The following LPA variants were observed in gnomAD, a reference collection of about 807,000 sequenced individuals.
LPA encodes lipoprotein(a).
Under a neutral mutation model 197.9 loss-of-function variants are expected in LPA, and 199 were observed. The observed-to-expected ratio is 1.01, with a 90% confidence interval of 0.90 to 1.13. LPA has a LOEUF of 1.13. LPA is among the 50% of genes most tolerant of loss of function. The pLI is 0.00. For synonymous variants in LPA, 715 were observed against 639.5 expected (o/e 1.12, Z -1.78); for missense variants, 1,853 against 1,785.8 (o/e 1.04, Z -0.68).
chr6:160,589,473 A>G, intron 24 of LPA, 80 bp downstream of exon 24: 3 of 1,545,420 alleles, frequency 1.9e-6, no homozygotes, highest in Non-Finnish European at 1.8e-6. Context: ...GGGTCATAAG[A>G]AGTTAGCTGG....
intron 34 of LPA, among the ~76,000 whole-genome samples, chr6:160,541,790 C>T: frequency 6.6e-6 from 1 of 152,098 alleles, no homozygotes; most frequent in Non-Finnish European, 1.5e-5. Context: ...TGTTGATAGT[C>T]AGTGAGGACA....
At chr6:160,587,879 C>T (rs570729450) in intron 24 of LPA, among the ~76,000 whole-genome samples, 18 of 151,418 alleles carry the variant, frequency 1.2e-4, no homozygotes, top group Admixed American at 6.6e-4. Context: ...CCTTTCCTAC[C>T]GTAATGTCTA....
At chr6:160,578,216 G>A (rs895629312) in intron 27 of LPA, among the ~76,000 whole-genome samples, 2 of 152,130 alleles carry the variant, frequency 1.3e-5, no homozygotes, top group Admixed American at 6.5e-5. Flanking sequence ...TATTTGGCAG[G>A]CTGTTAGAAT....
intron 16 of LPA, 90 bp downstream of exon 16, chr6:160,611,472 G>T: frequency 1.3e-6 from 2 of 1,561,720 alleles, no homozygotes. Context: ...GACACAAGTT[G>T]AGTTCGGAGA....
Position 160,589,681 on chromosome 6 carries a change from G to T in LPA, c.3819C>A (p.Asp1273Glu). Reference sequence around the variant, plus strand: ...AACTCTGTCCATCACCATGGTAGCAGTCCTGGACTGTGGGGCTTTGCTCCG... The same window carrying T: ...AACTCTGTCCATCACCATGGTAGCATTCCTGGACTGTGGGGCTTTGCTCCG... Reference protein sequence around the residue: ...APTEQSPTVQDCYHGDGQSYR... With the variant: ...APTEQSPTVQECYHGDGQSYR... The change falls in exon 24 of 39, where the codon GAC becomes GAA. Residue 1273 changes from aspartate to glutamate, a missense_variant. Transcript: ENST00000316300. The T allele has an allele frequency of 4.3e-6, 7 of 1,613,942 alleles. No individual in the cohort carries two copies. The highest frequency in any genetic ancestry group is 5.9e-6 in the Non-Finnish European group (7 of 1,179,846).
chr6:160,646,849 A>T lies in LPA; in HGVS notation c.210-454T>A, dbSNP rs555389814. 9.9e-5 allele frequency among the ~76,000 whole-genome samples: 15 copies of T among 150,980 alleles called. No individual in the cohort carries two copies. The East Asian group carries it at 2.3e-3, about 23-fold the overall frequency. On this transcript the variant is annotated intron_variant, in intron 2 of 38. Coordinates refer to ENST00000316300, the MANE Select transcript of LPA (RefSeq NM_005577.4). ...TTCATATTCTAATGTGGGAGTTGCA[A>T]CGAACATGTAGTTCTTCAGAGAAAA...
chr6:160,586,354 C>T, intron 25 of LPA, 95 bp downstream of exon 25: 7 of 1,439,656 alleles, frequency 4.9e-6, no homozygotes, highest in Non-Finnish European at 5.8e-6. Flanking sequence ...CTTCGACTTC[C>T]TGTGCAGCAT....
chr6:160,576,987 C>G (rs1778695956), intron 28 of LPA, 149 bp downstream of exon 28: 2 of 890,486 alleles, frequency 2.2e-6, no homozygotes, highest in African/African-American at 1.7e-5. Context: ...CTCTTAGACT[C>G]TTTGCTCAAA....
In LPA at chr6:160,540,182, A is replaced by G; in HGVS notation, c.5596T>C (p.Ser1866Pro). ...VLTAAHCLKKSSRPSSYKVIL... is the reference protein window; with the variant it reads ...VLTAAHCLKKPSRPSSYKVIL... ...ACCTTGTAGGATGAAGGCCTTGAGG[A>G]CCTAGAAAAGATGAGGATGTCAAGA... is the stretch of plus-strand genomic sequence containing the variant. The change falls in exon 36 of 39, where the codon TCC becomes CCC. Residue 1866 changes from serine (S) to proline (P), a missense_variant and splice_region_variant. Physicochemically the swap from Ser to Pro is moderately conservative, Grantham distance 74. Transcript: ENST00000316300. The G allele has an allele frequency of 6.2e-7, 1 of 1,614,134 alleles. No individual in the cohort carries two copies. The highest frequency in any genetic ancestry group is 2.2e-5 in the East Asian group (1 of 44,868).
chr6:160,647,037 A>G (rs1257435117), intron 2 of LPA, among the ~76,000 whole-genome samples: 1 of 152,132 alleles, frequency 6.6e-6, no homozygotes, highest in Non-Finnish European at 1.5e-5. Context: ...TTTCTGCAAG[A>G]CTTCTCAAAG....
chr6:160,566,700 T>C (rs746651013), intron 28 of LPA, among the ~76,000 whole-genome samples: 4 of 152,018 alleles, frequency 2.6e-5, no homozygotes, highest in African/African-American at 4.8e-5. Flanking sequence ...GACTGGAAAA[T>C]TGGATAAAGA....
At chr6:160,653,587 TATAC>T (rs1293700180) in intron 1 of LPA, among the ~76,000 whole-genome samples, 1 of 151,856 alleles carries the variant, frequency 6.6e-6, no homozygotes, top group Non-Finnish European at 1.5e-5. Flanking sequence ...CTAGCCAAAG[TATAC>T]CAGTCATATA....
chr6:160,581,002 T>C (rs1197273228), intron 26 of LPA, among the ~76,000 whole-genome samples: 2 of 152,300 alleles, frequency 1.3e-5, no homozygotes, highest in Non-Finnish European at 2.9e-5. Context: ...GGTTATAAGA[T>C]ACTATACTTT....
intron 1 of LPA, among the ~76,000 whole-genome samples, chr6:160,658,955 CTATAGA>C (rs1416666207): frequency 1.3e-5 from 2 of 151,176 alleles, no homozygotes; most frequent in Non-Finnish European, 3.0e-5. Flanking sequence ...CTATATCTAT[CTATAGA>C]TATAGATATA....
At chr6:160,608,901 T>C (rs1287795486) in intron 16 of LPA, among the ~76,000 whole-genome samples, 1 of 151,898 alleles carries the variant, frequency 6.6e-6, no homozygotes, top group Admixed American at 6.6e-5. Context: ...TATATGTGTG[T>C]AGTTGGTTCT....
chr6:160,565,706 G>A (rs1392120987), intron 28 of LPA, among the ~76,000 whole-genome samples: 3 of 152,190 alleles, frequency 2.0e-5, no homozygotes, highest in Non-Finnish European at 4.4e-5. Flanking sequence ...GAAGGCTTCA[G>A]ACGATCTGTA....
chr6:160,595,834 A>G (rs1779122185), intron 20 of LPA, among the ~76,000 whole-genome samples: 1 of 152,180 alleles, frequency 6.6e-6, no homozygotes, highest in African/African-American at 2.4e-5. Context: ...GTACAACTTC[A>G]ATTGTACTTG....
intron 18 of LPA, among the ~76,000 whole-genome samples, chr6:160,601,390 C>T (rs536527200): frequency 2.0e-5 from 3 of 152,306 alleles, no homozygotes; most frequent in African/African-American, 7.2e-5. Context: ...TATCCTCCTT[C>T]TGCCTTCTGC....
intron 30 of LPA, among the ~76,000 whole-genome samples, 158 bp downstream of exon 30, chr6:160,555,867 C>T (rs1583575869): frequency 6.6e-6 from 1 of 152,160 alleles, no homozygotes; most frequent in South Asian, 2.1e-4. Flanking sequence ...TACCTATTCT[C>T]TCAGACTCTT....
Sources: allele counts gnomAD v4.1 joint callset (sites outside exome capture counted in the v4.1 genomes callset), GRCh38; gene constraint gnomAD v4.1.1; transcripts MANE v1.5; gene names NCBI Gene and HGNC (gene_info 2026-07-23, HGNC 2026-07-21).